Variants in SLC71A2 observed in about 807,000 individuals in gnomAD.
The protein encoded by SLC71A2 is solute carrier family 71 member 2.
At chr9:94,424,244 GA>G in the SLC71A2 span, among the ~76,000 whole-genome samples, 1,235 of 151,250 alleles carry the variant, frequency 8.2e-3, 9 homozygotes, top group Non-Finnish European at 8.9e-3. Context: ...TTTTTTGGCG[GA>G]GGGGGGAGCA....
At chr9:94,459,934 T>C in the SLC71A2 span, 1 of 153,460 alleles carries the variant, frequency 6.5e-6, no homozygotes, top group African/African-American at 2.4e-5. Flanking sequence ...TCTACTGTCT[T>C]TGTTCAAAGG....
chr9:94,455,408 A>G, the SLC71A2 span, among the ~76,000 whole-genome samples: 1 of 124,600 alleles, frequency 8.0e-6, no homozygotes, highest in Non-Finnish European at 1.7e-5. Flanking sequence ...TGTAAAGACA[A>G]GGTCTCATGT....
chr9:94,394,915 G>GTTTTTT, the SLC71A2 span, among the ~76,000 whole-genome samples: 4 of 64,184 alleles, frequency 6.2e-5, 2 homozygotes, highest in African/African-American at 2.8e-4. Context: ...TACTTTTTTT[G>GTTTTTT]TTTTTTTTTT....
At chr9:94,375,372 G>C in the SLC71A2 span, among the ~76,000 whole-genome samples, 1 of 151,810 alleles carries the variant, frequency 6.6e-6, no homozygotes, top group Non-Finnish European at 1.5e-5. Flanking sequence ...GGCGGTCCTA[G>C]CGATGGGGAG....
At chr9:94,454,833 G>C in the SLC71A2 span, among the ~76,000 whole-genome samples, 1 of 152,068 alleles carries the variant, frequency 6.6e-6, no homozygotes, top group African/African-American at 2.4e-5. Flanking sequence ...AAAACCATGT[G>C]CATTCTGCCG....
the SLC71A2 span, among the ~76,000 whole-genome samples, chr9:94,452,686 CAT>C: frequency 3.0e-5 from 2 of 66,538 alleles, no homozygotes; most frequent in Non-Finnish European, 5.9e-5. Flanking sequence ...TTCATATATT[CAT>C]ATATATTCAT....
chr9:94,461,041 AATTTT>A, the SLC71A2 span: 1 of 152,290 alleles, frequency 6.6e-6, no homozygotes, highest in South Asian at 2.1e-4. Flanking sequence ...TTTTCAAAAA[AATTTT>A]ATTTTTAACA....
the SLC71A2 span, among the ~76,000 whole-genome samples, chr9:94,395,798 T>G: frequency 6.6e-6 from 1 of 152,184 alleles, no homozygotes; most frequent in East Asian, 1.9e-4. Context: ...CCGGACCTAG[T>G]GAGCTCTCTG....
At chr9:94,414,233 A>G in the SLC71A2 span, among the ~76,000 whole-genome samples, 2 of 152,202 alleles carry the variant, frequency 1.3e-5, 1 homozygote, top group South Asian at 4.1e-4. Flanking sequence ...GTATTTTTAA[A>G]AAGTTCACTC....
the SLC71A2 span, among the ~76,000 whole-genome samples, chr9:94,456,974 C>T: frequency 6.7e-6 from 1 of 149,590 alleles, no homozygotes; most frequent in Non-Finnish European, 1.5e-5. Flanking sequence ...CCCCCACCCC[C>T]CACCTCCTAC....
chr9:94,403,144 C>CTTTCCA, the SLC71A2 span, among the ~76,000 whole-genome samples: 12 of 152,048 alleles, frequency 7.9e-5, no homozygotes, highest in South Asian at 2.1e-4. Context: ...CTTTCCTTTC[C>CTTTCCA]TTTCCATTTC....
At chr9:94,437,080 T>TC in the SLC71A2 span, among the ~76,000 whole-genome samples, 2 of 146,054 alleles carry the variant, frequency 1.4e-5, no homozygotes, top group Non-Finnish European at 3.0e-5. Context: ...GTTTCCAGGC[T>TC]CCAAGTGTGG....
chr9:94,378,925 C>T, the SLC71A2 span, among the ~76,000 whole-genome samples: 2 of 149,818 alleles, frequency 1.3e-5, no homozygotes, highest in African/African-American at 2.5e-5. Flanking sequence ...TCTAGAACAG[C>T]GTAGGTTTTC....
At chr9:94,444,661 T>C in the SLC71A2 span, among the ~76,000 whole-genome samples, 2 of 152,236 alleles carry the variant, frequency 1.3e-5, no homozygotes, top group African/African-American at 4.8e-5. Flanking sequence ...TTTACAATTT[T>C]TGTTTGTAAT....
chr9:94,400,142 G>A, the SLC71A2 span, among the ~76,000 whole-genome samples: 10 of 152,084 alleles, frequency 6.6e-5, no homozygotes, highest in African/African-American at 2.4e-4. Flanking sequence ...TTTAGGTGTT[G>A]CCTACTGAAG....
chr9:94,441,709 TTG>T, the SLC71A2 span, among the ~76,000 whole-genome samples: 1 of 152,100 alleles, frequency 6.6e-6, no homozygotes, highest in Non-Finnish European at 1.5e-5. Context: ...CTATTAGTGG[TTG>T]TGTGTTTTGG....
chr9:94,457,739 TA>T, the SLC71A2 span, among the ~76,000 whole-genome samples: 1 of 152,386 alleles, frequency 6.6e-6, no homozygotes, highest in South Asian at 2.1e-4. Flanking sequence ...TGTCAGCATA[TA>T]AAAGTTTTGG....
the SLC71A2 span, chr9:94,441,122 T>A: frequency 1.4e-5 from 19 of 1,311,588 alleles, no homozygotes; most frequent in Non-Finnish European, 2.0e-5. Flanking sequence ...ACTATATATA[T>A]TTTTTAACCA....
the SLC71A2 span, among the ~76,000 whole-genome samples, chr9:94,391,898 T>C: frequency 6.6e-6 from 1 of 152,078 alleles, no homozygotes; most frequent in East Asian, 1.9e-4. Flanking sequence ...TTTTTTTTTT[T>C]GTAGAGACAA....
Sources: gnomAD v4.1 joint callset for allele counts (sites outside exome capture counted in the v4.1 genomes callset) on GRCh38, gnomAD v4.1.1 for gene constraint, MANE v1.5 for transcripts, NCBI Gene and HGNC (gene_info 2026-07-23, HGNC 2026-07-21) for gene names.